GAS7: variants seen among roughly 807,000 people sequenced by gnomAD.
GAS7 encodes the protein growth arrest specific 7, also known as growth arrest-specific protein 7.
GAS7 carries 28 observed loss-of-function variants against 71.1 expected under a neutral mutation model. The observed-to-expected ratio is 0.39, with a 90% CI of 0.29 to 0.54. The LOEUF (loss-of-function observed/expected upper bound fraction) is 0.54, where lower values mean the gene tolerates loss of function less well. Ranked by LOEUF, GAS7 falls within the 20% of genes least tolerant of loss-of-function variation. GAS7 has a pLI of 0.62. For missense variants in GAS7, 436 were observed against 627.8 expected, an observed-to-expected ratio of 0.69 and a Z score of 3.27; for synonymous variants, 258 against 245.8, an observed-to-expected ratio of 1.05 and a Z score of -0.46.
intron 1 of GAS7, among the ~76,000 whole-genome samples, chr17:10,116,480 C>T (rs17687006): frequency 0.17 from 25,111 of 151,968 alleles, 2,727 homozygotes; most frequent in Non-Finnish European, 0.24. Context: ...CTGGGCTGAG[C>T]GGGTCTCTGC....
chr17:9,937,719 G>C (rs2068451090), intron 8 of GAS7, among the ~76,000 whole-genome samples: 1 of 152,248 alleles, frequency 6.6e-6, no homozygotes, highest in South Asian at 2.1e-4. Flanking sequence ...CACGAAGGCA[G>C]ATTTGGACTG....
intron 1 of GAS7, among the ~76,000 whole-genome samples, chr17:10,058,051 A>T (rs1001518018): frequency 6.6e-6 from 1 of 152,166 alleles, no homozygotes; most frequent in Non-Finnish European, 1.5e-5. Flanking sequence ...TGAAGGCAGC[A>T]TGCTTGTTAA....
Position 9,940,117 on chromosome 17 carries a change from C to T in GAS7, c.806+9G>A, listed in dbSNP as rs748816604. The T allele has an allele frequency of 1.3e-6, 2 of 1,506,810 alleles. No homozygotes were observed. The highest frequency in any genetic ancestry group is 1.4e-5 in the African/African-American group (1 of 72,882). 93.3% of individuals were successfully genotyped at this position (1,506,810 alleles called of 1,614,324 possible). A position where few individuals can be genotyped will look rare whatever the true frequency, so the allele number is the denominator to read the frequency against. Reference sequence around the variant, plus strand: ...CCTCCCCACTCCCACCTCTCTCCTACCCACTCACCCTTCCTCCTGTGAAGC... The same window carrying T: ...CCTCCCCACTCCCACCTCTCTCCTATCCACTCACCCTTCCTCCTGTGAAGC... On this transcript the variant is annotated intron_variant, in intron 8 of 13. Coordinates refer to ENST00000432992, the MANE Select transcript of GAS7 (RefSeq NM_201433.2).
intron 1 of GAS7, among the ~76,000 whole-genome samples, chr17:10,082,849 G>A (rs918862184): frequency 6.6e-6 from 1 of 152,200 alleles, no homozygotes; most frequent in African/African-American, 2.4e-5. Context: ...GAGGATGAAT[G>A]TCAGACATTA....
In GAS7 at chr17:9,959,293, T is replaced by C. The variant is rs1163476656; in HGVS notation, c.472-38A>G. On this transcript the variant is annotated intron_variant, in intron 4 of 13. Transcript: ENST00000432992. This position sits in a 1 kb window ranked among gnomAD's most constrained non-coding sequence, Gnocchi z 5.0. ...GCAAGAAACATCGTCAAAGCTGTTC[T>C]CCATATTGGACATTTTTTCCCCCCA... 2 of 1,613,936 alleles carry C rather than the reference T, an allele frequency of 1.2e-6. No homozygotes were observed. Among genetic ancestry groups the C allele is most frequent in the South Asian group, 1.1e-5 (1 of 91,002 alleles).
chr17:9,913,064 T>G lies in GAS7; in HGVS notation c.*4164A>C, dbSNP rs1452017548. On this transcript the variant is annotated 3_prime_UTR_variant, in exon 14 of 14. Coordinates refer to ENST00000432992, the MANE Select transcript of GAS7 (RefSeq NM_201433.2). ...GGGAAAGAGGGCAGGAGAAGGGAAT[T>G]TTTTGGAGGGTTAAAAACAGGTTGA... 4.3e-6 allele frequency: 1 copy of G among 232,414 alleles called. No individual in the cohort carries two copies. The highest frequency in any genetic ancestry group is 8.5e-6 in the Non-Finnish European group (1 of 117,674). 14.4% of individuals were successfully genotyped at this position (232,414 alleles called of 1,614,324 possible). A position where few individuals can be genotyped will look rare whatever the true frequency, so the allele number is the denominator to read the frequency against.
intron 1 of GAS7, among the ~76,000 whole-genome samples, chr17:10,157,792 C>T (rs2074216320): frequency 1.3e-5 from 2 of 152,172 alleles, no homozygotes; most frequent in Admixed American, 1.3e-4. Context: ...AGGCATATCA[C>T]CCTTAGACAC....
intron 1 of GAS7, among the ~76,000 whole-genome samples, chr17:10,158,085 A>G (rs1023613742): frequency 3.3e-5 from 5 of 152,148 alleles, no homozygotes; most frequent in African/African-American, 1.2e-4. Flanking sequence ...ATCTCGGCTC[A>G]CTGCAAGCTC....
intron 1 of GAS7, among the ~76,000 whole-genome samples, chr17:10,062,724 A>C (rs1014901855): frequency 6.6e-6 from 1 of 152,234 alleles, no homozygotes; most frequent in Non-Finnish European, 1.5e-5. Flanking sequence ...TTTTGGTCTC[A>C]GAAATCCCTG....
chr17:10,070,341 CTTTTTTTT>C (rs71365713), intron 1 of GAS7, among the ~76,000 whole-genome samples: 13 of 106,132 alleles, frequency 1.2e-4, no homozygotes, highest in African/African-American at 3.2e-4. Context: ...TCTCTCTCTT[CTTTTTTTT>C]TTTTTTTTTT....
intron 1 of GAS7, among the ~76,000 whole-genome samples, chr17:10,108,971 G>C (rs1462538352): frequency 6.6e-6 from 1 of 151,838 alleles, no homozygotes; most frequent in Admixed American, 6.6e-5. Context: ...TAGACAAATG[G>C]GCCCATATTA....
chr17:9,965,554 C>T (rs1037814210), intron 4 of GAS7, among the ~76,000 whole-genome samples: 4 of 152,176 alleles, frequency 2.6e-5, no homozygotes, highest in Non-Finnish European at 5.9e-5. Context: ...GGACAAATAC[C>T]TACTGCACGC....
chr17:10,011,299 C>T (rs2071762738), intron 2 of GAS7, among the ~76,000 whole-genome samples: 1 of 152,212 alleles, frequency 6.6e-6, no homozygotes, highest in Non-Finnish European at 1.5e-5. Context: ...ATGGTGGAAT[C>T]TGGCTTTCTG....
In GAS7 at chr17:9,912,259, A is replaced by C. The variant is rs1297108891; in HGVS notation, c.*4969T>G. 1 of 232,894 alleles carries C rather than the reference A, an allele frequency of 4.3e-6. No individual in the cohort carries two copies. The highest frequency in any genetic ancestry group is 8.5e-6 in the Non-Finnish European group (1 of 117,878). The allele number at this position is 232,894 out of a possible 1,614,324, so 14.4% of individuals were successfully genotyped here. On this transcript the variant is annotated 3_prime_UTR_variant, in exon 14 of 14. Transcript: ENST00000432992. The stretch of plus-strand genomic sequence containing the variant: ...ACCAGGACTTGAGGCAATTCTATGC[A>C]CGATTGTGCAGATGAGAGCCAGACA...
At chr17:9,967,335 T>C (rs1243611638) in intron 4 of GAS7, among the ~76,000 whole-genome samples, 1 of 152,186 alleles carries the variant, frequency 6.6e-6, no homozygotes, top group Non-Finnish European at 1.5e-5. Context: ...TGTTTTCAAG[T>C]TGAGCACTTC....
At chr17:10,100,811 C>T (rs920102360) in intron 1 of GAS7, among the ~76,000 whole-genome samples, 4 of 152,062 alleles carry the variant, frequency 2.6e-5, no homozygotes, top group African/African-American at 4.8e-5. Context: ...AATTCCAAAG[C>T]GGGATAAAAA....
At chr17:9,948,293 C>CAGG (rs1306965565) in intron 5 of GAS7, among the ~76,000 whole-genome samples, 1 of 152,172 alleles carries the variant, frequency 6.6e-6, no homozygotes, top group Non-Finnish European at 1.5e-5. Context: ...TGTTTGCTTC[C>CAGG]AAGGAAAGGA....
intron 1 of GAS7, among the ~76,000 whole-genome samples, chr17:10,041,158 TAA>T (rs563870890): frequency 2.1e-4 from 24 of 116,756 alleles, no homozygotes; most frequent in Admixed American, 3.6e-4. Context: ...CAAGACTGCC[TAA>T]AAAAAAAAAA....
chr17:10,189,811 T>A (rs1007190117), intron 1 of GAS7, among the ~76,000 whole-genome samples: 1 of 151,704 alleles, frequency 6.6e-6, no homozygotes, highest in Non-Finnish European at 1.5e-5. Context: ...TGGTGGCGGG[T>A]GCCTATAGTC....
Sources: allele counts gnomAD v4.1 joint callset (sites outside exome capture counted in the v4.1 genomes callset), GRCh38; gene constraint gnomAD v4.1.1; non-coding constraint Gnocchi (gnomAD v3.1); transcripts MANE v1.5; gene names NCBI Gene and HGNC (gene_info 2026-07-23, HGNC 2026-07-21).